The following GPBP1 variants were observed in gnomAD, a reference collection of about 807,000 sequenced individuals.
GPBP1 encodes vasculin.
A neutral mutation model predicts 56.5 loss-of-function variants in GPBP1; 13 were observed. The ratio of observed to expected loss-of-function variants is 0.23; its 90% CI spans 0.15 to 0.37. GPBP1 has a LOEUF of 0.37. Among genes scored for constraint, GPBP1 ranks in the 10% least tolerant of loss-of-function variants. The pLI is 1.00. For synonymous variants in GPBP1, 204 were observed against 188.9 expected (o/e 1.08, Z -0.66); for missense variants, 477 against 572.3 (o/e 0.83, Z 1.70).
Position 57,175,124 on chromosome 5 carries a change from T to G in GPBP1, c.-1010-324T>G, listed in dbSNP as rs75249098. Among the ~76,000 whole-genome samples, 40 of 152,370 alleles carry G rather than the reference T, an allele frequency of 2.6e-4. 1 individual carries two copies. In the East Asian group the frequency reaches 6.7e-3, roughly 26 times the overall value. ...TTTGTAAGATTATGTGTCAATTTCA[T>G]AGTTTTAAAATTTATTCAAGAAGTA... On this transcript the variant is annotated intron_variant, in intron 1 of 11. Transcript: ENST00000506184.
At position 57,249,443 on chromosome 5, in the gene GPBP1, A is replaced by C. The variant is rs1279064209; in HGVS notation, c.839A>C (p.Lys280Thr). 7.5e-6 allele frequency: 12 copies of C among 1,607,154 alleles called. No individual in the cohort carries two copies. Among genetic ancestry groups the C allele is most frequent in the Admixed American group, 5.2e-5 (3 of 58,154 alleles). Residue 280 changes from lysine to threonine, a missense_variant, in exon 9 of 12, where the codon AAA becomes ACA. This residue lies in a region of GPBP1 where 414 missense variants were observed against 458.2 expected (regional missense o/e 0.90). Transcript: ENST00000506184. ...NRSNSSSPVD[K>T]LNQQPRLTKL... is the part of the protein sequence containing the mutation. ...TCAAATTCCTCTTCTCCTGTTGACA[A>C]ACTTAATCAGCAGCCTCGTCTAACC...
chr5:57,233,736 G>C (rs1471543821), intron 5 of GPBP1, among the ~76,000 whole-genome samples: 1 of 152,142 alleles, frequency 6.6e-6, no homozygotes, highest in Non-Finnish European at 1.5e-5. Flanking sequence ...TGCTGTCTCA[G>C]GTGGCACAGA....
In GPBP1 at chr5:57,256,869, G is replaced by T. The variant is rs562570960; in HGVS notation, c.1161-4311G>T. Among the ~76,000 whole-genome samples, 3 of 152,260 alleles carry T rather than the reference G, an allele frequency of 2.0e-5. No homozygotes were observed. In the East Asian group the frequency reaches 5.8e-4, roughly 29 times the overall value. On this transcript the variant is annotated intron_variant, in intron 10 of 11. Transcript: ENST00000506184. ...CTTTTTCCCCACTCTTAAGCTAAGA[G>T]AGTTAATGGCTTTTAGATTTTAGGG...
chr5:57,229,185 C>G (rs934300642), intron 3 of GPBP1, among the ~76,000 whole-genome samples: 33 of 134,240 alleles, frequency 2.5e-4, no homozygotes, highest in Non-Finnish European at 1.1e-4. Context: ...GAGCCAAGAT[C>G]GTGCCACTGC....
chr5:57,206,552 C>T (rs1045985285), intron 2 of GPBP1, among the ~76,000 whole-genome samples: 17 of 152,250 alleles, frequency 1.1e-4, no homozygotes, highest in Admixed American at 6.5e-5. Flanking sequence ...GCACCTACAA[C>T]GATGCCATGT....
At chr5:57,262,548 G>A in intron 11 of GPBP1, 46 bp from the exon 12 acceptor site, 1 of 1,406,320 alleles carries the variant, frequency 7.1e-7, no homozygotes, top group Non-Finnish European at 1.0e-6. Context: ...CAGTAGGTTT[G>A]TAACTCTTGA....
chr5:57,232,962 G>C (rs1756522883), intron 5 of GPBP1, among the ~76,000 whole-genome samples: 2 of 152,198 alleles, frequency 1.3e-5, no homozygotes, highest in Non-Finnish European at 2.9e-5. Context: ...GACAAGGTTA[G>C]AGAGAGAGGA....
intron 10 of GPBP1, among the ~76,000 whole-genome samples, chr5:57,259,257 T>C (rs1169326564): frequency 1.3e-5 from 2 of 152,262 alleles, no homozygotes; most frequent in African/African-American, 4.8e-5. Context: ...ATTTTACTTA[T>C]ATGATCTTGA....
chr5:57,261,339 A>G, intron 11 of GPBP1, 57 bp downstream of exon 11: 2 of 933,488 alleles, frequency 2.1e-6, no homozygotes, highest in Admixed American at 3.6e-5. Context: ...TTAGAACAAT[A>G]TAATTATATG....
At chr5:57,219,405 C>CAAAAAAAAAAAAAA (rs1200185260) in intron 3 of GPBP1, among the ~76,000 whole-genome samples, 1 of 34,194 alleles carries the variant, frequency 2.9e-5, no homozygotes, top group South Asian at 1.0e-3. Flanking sequence ...AAAAAAAAAC[C>CAAAAAAAAAAAAAA]AAAAACAAAC....
intron 3 of GPBP1, among the ~76,000 whole-genome samples, chr5:57,221,711 C>G (rs1013171659): frequency 6.6e-6 from 1 of 151,902 alleles, no homozygotes; most frequent in Non-Finnish European, 1.5e-5. Context: ...TTTTTTGATT[C>G]TTTTATGGCA....
rs148909903 is a variant in GPBP1, at chr5:57,255,328, G to A, written c.1160+4187G>A. On this transcript the variant is annotated intron_variant, in intron 10 of 11. Coordinates refer to ENST00000506184, the MANE Select transcript of GPBP1 (RefSeq NM_022913.4). Reference sequence around the variant, plus strand: ...TGTATTTATATTCTTGAATATTTGTGTAAATGTGTAGGTAACAGATTACTA... The same window carrying A: ...TGTATTTATATTCTTGAATATTTGTATAAATGTGTAGGTAACAGATTACTA... Among the ~76,000 whole-genome samples the A allele has an allele frequency of 3.2e-3, 489 of 151,684 alleles. 4 individuals carry two copies. The highest frequency in any genetic ancestry group is 0.011 in the African/African-American group (465 of 41,290).
At chr5:57,213,132 C>T (rs1755562020) in intron 2 of GPBP1, among the ~76,000 whole-genome samples, 1 of 152,104 alleles carries the variant, frequency 6.6e-6, no homozygotes, top group Non-Finnish European at 1.5e-5. Flanking sequence ...TGGCTTACTG[C>T]AACCTCTGTC....
intron 3 of GPBP1, among the ~76,000 whole-genome samples, chr5:57,228,685 A>G (rs1484713825): frequency 3.3e-5 from 5 of 152,158 alleles, no homozygotes; most frequent in Admixed American, 2.0e-4. Flanking sequence ...TAAAAAAAAT[A>G]AGCTGTAGAA....
intron 2 of GPBP1, among the ~76,000 whole-genome samples, chr5:57,200,534 A>AT (rs1272671711): frequency 6.6e-6 from 1 of 151,160 alleles, no homozygotes; most frequent in Non-Finnish European, 1.5e-5. Flanking sequence ...TGGCTGGCTA[A>AT]TTTTTTGTAT....
chr5:57,223,914 A>T (rs1313421609), intron 3 of GPBP1, among the ~76,000 whole-genome samples: 1 of 151,162 alleles, frequency 6.6e-6, no homozygotes, highest in Non-Finnish European at 1.5e-5. Context: ...GCTCACTGCA[A>T]GCTCTGCCTC....
chr5:57,187,288 A>C (rs1367177795), intron 2 of GPBP1, among the ~76,000 whole-genome samples: 3 of 152,174 alleles, frequency 2.0e-5, no homozygotes, highest in Non-Finnish European at 4.4e-5. Context: ...TCTAATTCAT[A>C]CTTGAGCATA....
At chr5:57,192,095 A>G (rs1754552557) in intron 2 of GPBP1, among the ~76,000 whole-genome samples, 1 of 152,184 alleles carries the variant, frequency 6.6e-6, no homozygotes, top group Non-Finnish European at 1.5e-5. Flanking sequence ...GACGTTATTT[A>G]CTGAAGCTCT....
At chr5:57,203,726 A>G (rs533972371) in intron 2 of GPBP1, among the ~76,000 whole-genome samples, 11 of 152,322 alleles carry the variant, frequency 7.2e-5, no homozygotes, top group African/African-American at 2.2e-4. Flanking sequence ...CAAATTTCAG[A>G]TAAGAGGAAC....
Sources: allele counts gnomAD v4.1 joint callset (sites outside exome capture counted in the v4.1 genomes callset), GRCh38; gene constraint gnomAD v4.1.1; regional missense constraint gnomAD v4.1.1; transcripts MANE v1.5; gene names NCBI Gene and HGNC (gene_info 2026-07-23, HGNC 2026-07-21).